PCCA: variants seen among roughly 807,000 people sequenced by gnomAD.
PCCA encodes propionyl-CoA carboxylase subunit alpha, also known as propionyl-CoA carboxylase alpha chain, mitochondrial.
A neutral mutation model predicts 101.3 loss-of-function variants in PCCA; 74 were observed. The ratio of observed to expected loss-of-function variants is 0.73; its 90% CI spans 0.61 to 0.89. PCCA has a LOEUF of 0.89. PCCA is among the 40% of genes least tolerant of loss of function. The pLI is 0.00. For synonymous variants in PCCA, 294 were observed against 313.6 expected (o/e 0.94, Z 0.66); for missense variants, 891 against 907.0 (o/e 0.98, Z 0.23).
At chr13:100,409,640 C>T (rs947958440) in intron 19 of PCCA, among the ~76,000 whole-genome samples, 41 of 152,236 alleles carry the variant, frequency 2.7e-4, no homozygotes, top group African/African-American at 7.5e-4. Context: ...TCACCATGAT[C>T]GGAACACCTC....
intron 7 of PCCA, among the ~76,000 whole-genome samples, chr13:100,221,746 A>ATTTTTTT (rs3034654): frequency 4.9e-5 from 6 of 121,572 alleles, no homozygotes; most frequent in African/African-American, 1.3e-4. Context: ...TCCCTGGGAA[A>ATTTTTTT]TTTTTTTTTT....
intron 21 of PCCA, among the ~76,000 whole-genome samples, chr13:100,492,424 G>A (rs753045143): frequency 2.6e-5 from 4 of 152,046 alleles, no homozygotes; most frequent in Admixed American, 1.3e-4. Context: ...GTGAGCCGCC[G>A]AGCCCGGTGG....
intron 16 of PCCA, among the ~76,000 whole-genome samples, chr13:100,327,918 C>G (rs991974359): frequency 1.3e-5 from 2 of 152,056 alleles, no homozygotes; most frequent in African/African-American, 4.8e-5. Context: ...AGATACAACT[C>G]CCTTGTTCAA....
chr13:100,107,922 T>C (rs2047960697), intron 2 of PCCA, among the ~76,000 whole-genome samples: 1 of 152,200 alleles, frequency 6.6e-6, no homozygotes, highest in African/African-American at 2.4e-5. Context: ...TCAAAGCCCA[T>C]GGATAGTGAG....
intron 8 of PCCA, among the ~76,000 whole-genome samples, chr13:100,241,532 G>A (rs1001956376): frequency 6.6e-6 from 1 of 152,136 alleles, no homozygotes; most frequent in Non-Finnish European, 1.5e-5. Context: ...GTGCAGTGGT[G>A]TGATCCCAGC....
chr13:100,171,801 G>C (rs975226833), intron 6 of PCCA, among the ~76,000 whole-genome samples: 3 of 152,052 alleles, frequency 2.0e-5, no homozygotes, highest in Non-Finnish European at 4.4e-5. Flanking sequence ...GGGAAGCCAA[G>C]GTGGACAGAT....
At chr13:100,188,028 C>T (rs1161117861) in intron 6 of PCCA, among the ~76,000 whole-genome samples, 2 of 152,126 alleles carry the variant, frequency 1.3e-5, no homozygotes, top group Non-Finnish European at 2.9e-5. Context: ...TGAGTTACTT[C>T]ACTTAGAATA....
intron 12 of PCCA, among the ~76,000 whole-genome samples, chr13:100,274,390 T>C (rs1295561222): frequency 1.3e-5 from 2 of 152,218 alleles, no homozygotes; most frequent in Non-Finnish European, 2.9e-5. Context: ...TAGATTTCTG[T>C]AGATAGTTTA....
chr13:100,318,666 AT>A (rs1208058798), intron 16 of PCCA, among the ~76,000 whole-genome samples: 3 of 151,778 alleles, frequency 2.0e-5, no homozygotes, highest in East Asian at 3.9e-4. Flanking sequence ...TGAACTCATC[AT>A]TTTTTACGGC....
chr13:100,114,622 A>G, intron 4 of PCCA, among the ~76,000 whole-genome samples: 1 of 152,166 alleles, frequency 6.6e-6, no homozygotes, highest in East Asian at 1.9e-4. Context: ...GGGGCAAAAG[A>G]TCTGAATAGT....
At chr13:100,381,340 G>A (rs1262616605) in intron 19 of PCCA, among the ~76,000 whole-genome samples, 1 of 149,674 alleles carries the variant, frequency 6.7e-6, no homozygotes, top group African/African-American at 2.5e-5. Flanking sequence ...AGTGAGCCGA[G>A]ATCGCCACAC....
intron 18 of PCCA, among the ~76,000 whole-genome samples, chr13:100,367,089 G>A (rs1468474278): frequency 2.0e-5 from 3 of 152,204 alleles, no homozygotes; most frequent in African/African-American, 7.2e-5. Flanking sequence ...ACAAAATGCT[G>A]ATGTTTAGTA....
rs560153685 is a variant in PCCA, at chr13:100,358,634, T to C, written c.1644-9838T>C. Among the ~76,000 whole-genome samples, 9 of 152,154 alleles carry C rather than the reference T, an allele frequency of 5.9e-5. No individual in the cohort carries two copies. In the South Asian group the frequency reaches 1.9e-3, roughly 32 times the overall value. On this transcript the variant is annotated intron_variant, in intron 18 of 23. Transcript: ENST00000376285. The stretch of plus-strand genomic sequence containing the variant: ...AAGAAGGAATAGGTAACCTTGAAGA[T>C]AGAAGAATAGAGATTATGCAATCTG...
intron 6 of PCCA, among the ~76,000 whole-genome samples, chr13:100,191,636 C>A (rs1283711917): frequency 6.6e-6 from 1 of 152,140 alleles, no homozygotes; most frequent in East Asian, 1.9e-4. Context: ...TTCTTTTATA[C>A]AAGAATATAA....
At chr13:100,461,619 G>A (rs1424444387) in intron 21 of PCCA, among the ~76,000 whole-genome samples, 4 of 152,112 alleles carry the variant, frequency 2.6e-5, no homozygotes, top group African/African-American at 4.8e-5. Context: ...TCTCCTCTCT[G>A]TCCCATCCCT....
intron 2 of PCCA, among the ~76,000 whole-genome samples, chr13:100,106,857 G>A (rs1468738330): frequency 6.6e-6 from 1 of 152,168 alleles, no homozygotes; most frequent in East Asian, 1.9e-4. Context: ...CTGTGCCCTT[G>A]CCTAAGGTGA....
Position 100,209,374 on chromosome 13 carries a change from A to G in PCCA, c.511A>G (p.Ile171Val), listed in dbSNP as rs761885982. 6 of 1,613,140 alleles carry G rather than the reference A, an allele frequency of 3.7e-6. No homozygotes were observed. Among genetic ancestry groups the G allele is most frequent in the Non-Finnish European group, 5.1e-6 (6 of 1,179,100 alleles). The change falls in exon 7 of 24, where the codon ATT (isoleucine) becomes GTT (valine). Residue 171 changes from isoleucine to valine, a missense_variant. Ile to Val is a conservative substitution (Grantham distance 29). Transcript: ENST00000376285. ...VVFIGPDTHA[I>V]QAMGDKIESK... ...TTTCATTGGACCTGACACACATGCT[A>G]TTCAAGCCATGGGCGACAAGATTGA...
chr13:100,301,690 G>T, intron 13 of PCCA, 87 bp downstream of exon 13: 1 of 1,464,056 alleles, frequency 6.8e-7, no homozygotes, highest in Non-Finnish European at 9.6e-7. Flanking sequence ...GTAAAGTTAG[G>T]GTTTTATAAT....
At chr13:100,379,256 A>G (rs1440003502) in intron 19 of PCCA, among the ~76,000 whole-genome samples, 1 of 152,054 alleles carries the variant, frequency 6.6e-6, no homozygotes, top group Non-Finnish European at 1.5e-5. Flanking sequence ...TGTTATTAGT[A>G]GAGGCTGTAA....
Sources: gnomAD v4.1 joint callset for allele counts (sites outside exome capture counted in the v4.1 genomes callset) on GRCh38, gnomAD v4.1.1 for gene constraint, MANE v1.5 for transcripts, NCBI Gene and HGNC (gene_info 2026-07-23, HGNC 2026-07-21) for gene names.